Variants in MPP7 observed in about 807,000 individuals in gnomAD.
MPP7 encodes the protein MAGUK p55 scaffold protein 7.
MPP7 carries 60 observed loss-of-function variants against 76.5 expected under a neutral mutation model. That is an observed-to-expected ratio of 0.78 (90% CI 0.64 to 0.97). The LOEUF is 0.97. MPP7 is among the 50% of genes least tolerant of loss of function. The pLI is 0.00. For synonymous variants in MPP7, 237 were observed against 244.5 expected, an observed-to-expected ratio of 0.97 and a Z score of 0.29; for missense variants, 641 against 694.0, an observed-to-expected ratio of 0.92 and a Z score of 0.86.
At chr10:28,087,604 C>A (rs1238002970) in intron 12 of MPP7, among the ~76,000 whole-genome samples, 2 of 152,158 alleles carry the variant, frequency 1.3e-5, no homozygotes, top group East Asian at 3.9e-4. Context: ...CCATGTTGGG[C>A]AGGCTGGTCT....
chr10:28,231,119 G>A (rs1453651665), intron 2 of MPP7, among the ~76,000 whole-genome samples: 2 of 150,900 alleles, frequency 1.3e-5, no homozygotes, highest in African/African-American at 4.9e-5. Context: ...GGGCTAAAAT[G>A]GTGCAAATTC....
At chr10:28,061,622 G>C (rs1441898047) in intron 13 of MPP7, among the ~76,000 whole-genome samples, 1 of 152,000 alleles carries the variant, frequency 6.6e-6, no homozygotes, top group Non-Finnish European at 1.5e-5. Context: ...AAATATGTTT[G>C]AAGAAATAAA....
intron 12 of MPP7, among the ~76,000 whole-genome samples, chr10:28,080,118 A>C (rs1221535773): frequency 6.6e-6 from 1 of 151,930 alleles, no homozygotes; most frequent in African/African-American, 2.4e-5. Flanking sequence ...GGAAAGAAAA[A>C]GAAAAGAAAG....
At chr10:28,233,996 TGAAAC>T (rs1264313856) in intron 2 of MPP7, among the ~76,000 whole-genome samples, 1 of 151,352 alleles carries the variant, frequency 6.6e-6, no homozygotes, top group Non-Finnish European at 1.5e-5. Context: ...AGAAACGAAA[TGAAAC>T]AAAACAAAAC....
At chr10:28,136,238 C>T (rs1360034466) in intron 5 of MPP7, among the ~76,000 whole-genome samples, 7 of 151,940 alleles carry the variant, frequency 4.6e-5, no homozygotes, top group African/African-American at 9.7e-5. Context: ...AAATAAAGTA[C>T]ACAACAAATG....
intron 3 of MPP7, among the ~76,000 whole-genome samples, chr10:28,153,681 T>C (rs1835956404): frequency 6.6e-6 from 1 of 152,196 alleles, no homozygotes. Context: ...TCTGTTTTAC[T>C]TACACATACA....
At chr10:28,212,133 G>A (rs1433372202) in intron 2 of MPP7, among the ~76,000 whole-genome samples, 1 of 151,796 alleles carries the variant, frequency 6.6e-6, no homozygotes, top group East Asian at 1.9e-4. Flanking sequence ...AAAAATAAAT[G>A]AGTGAATGAA....
At chr10:28,074,834 C>A (rs975545661) in intron 12 of MPP7, among the ~76,000 whole-genome samples, 1 of 152,214 alleles carries the variant, frequency 6.6e-6, no homozygotes, top group Admixed American at 6.5e-5. Flanking sequence ...CTTTCACGGG[C>A]CATGGTGTCT....
chr10:28,109,429 T>C (rs897082099), intron 11 of MPP7, among the ~76,000 whole-genome samples: 1 of 152,176 alleles, frequency 6.6e-6, no homozygotes, highest in African/African-American at 2.4e-5. Flanking sequence ...TTAGTGCCAA[T>C]AGGATGCTTT....
At chr10:28,312,982 G>C (rs1193823507) in intron 2 of MPP7, among the ~76,000 whole-genome samples, 1 of 152,194 alleles carries the variant, frequency 6.6e-6, no homozygotes, top group Non-Finnish European at 1.5e-5. Context: ...GGCAGTTTGA[G>C]GATGTGCACA....
At chr10:28,274,817 T>C (rs1439691992) in intron 1 of MPP7, among the ~76,000 whole-genome samples, 3 of 152,324 alleles carry the variant, frequency 2.0e-5, no homozygotes, top group South Asian at 2.1e-4. Context: ...TTTTTTTATA[T>C]GCCATCAATT....
chr10:28,073,671 G>A (rs759866778), intron 12 of MPP7, among the ~76,000 whole-genome samples: 31 of 152,130 alleles, frequency 2.0e-4, no homozygotes, highest in Non-Finnish European at 2.2e-4. Flanking sequence ...TTGGGAGGCT[G>A]AGGCAAGAGA....
chr10:28,118,996 A>G, intron 11 of MPP7: 1 of 985,386 alleles, frequency 1.0e-6, no homozygotes, highest in Non-Finnish European at 1.2e-6. Flanking sequence ...GGAACAGGGA[A>G]TTTATGGGAT....
At chr10:28,100,700 C>T (rs1451145256) in intron 11 of MPP7, among the ~76,000 whole-genome samples, 1 of 152,066 alleles carries the variant, frequency 6.6e-6, no homozygotes, top group Non-Finnish European at 1.5e-5. Flanking sequence ...CATAAACACC[C>T]TTGAGTCTTT....
intron 3 of MPP7, among the ~76,000 whole-genome samples, chr10:28,177,838 G>A (rs1287710463): frequency 1.3e-5 from 2 of 152,118 alleles, no homozygotes; most frequent in African/African-American, 4.8e-5. Flanking sequence ...TCATGCTGGC[G>A]GATCAGGGAT....
rs371055315 is a variant in MPP7 at position 28,214,997 on chromosome 10, A to G, written c.38-12726T>C. 1.2e-4 allele frequency among the ~76,000 whole-genome samples: 19 copies of G among 152,196 alleles called. No homozygotes were observed. In the East Asian group the frequency reaches 2.5e-3, roughly 20 times the overall value. On this transcript the variant is annotated intron_variant, in intron 2 of 16. Transcript: ENST00000683449. ...CCCTGCACTCGATGGATCAGCTGAC[A>G]CCACCCAGACAGGTAATCTGGCTCA...
rs1325019823 is a variant in MPP7, at chr10:28,268,307, T to C, written c.-131-29572A>G. ...CAATATGTTCTAAAGAAGATGTGGC[T>C]GGAACAAAATGAGCCAGAGAAATTT... On this transcript the variant is annotated intron_variant, in intron 1 of 16. Transcript: ENST00000683449. 2.0e-5 allele frequency among the ~76,000 whole-genome samples: 3 copies of C among 152,304 alleles called. No homozygotes were observed. In the East Asian group the frequency reaches 5.8e-4, roughly 29 times the overall value.
intron 1 of MPP7, among the ~76,000 whole-genome samples, chr10:28,274,237 G>C (rs906630057): frequency 2.0e-5 from 3 of 151,258 alleles, no homozygotes; most frequent in Non-Finnish European, 2.9e-5. Context: ...CGAGTAGCTG[G>C]GACTATAGGA....
chr10:28,191,109 T>G (rs750168931), intron 3 of MPP7, among the ~76,000 whole-genome samples: 14 of 152,160 alleles, frequency 9.2e-5, no homozygotes, highest in Non-Finnish European at 1.9e-4. Flanking sequence ...AATAAGCCTA[T>G]ATTTATGAAA....
Sources: gnomAD v4.1 joint callset for allele counts (sites outside exome capture counted in the v4.1 genomes callset) on GRCh38, gnomAD v4.1.1 for gene constraint, MANE v1.5 for transcripts, NCBI Gene and HGNC (gene_info 2026-07-23, HGNC 2026-07-21) for gene names.